VPS13B: variants seen among roughly 807,000 people sequenced by gnomAD.
The protein encoded by VPS13B is intermembrane lipid transfer protein VPS13B.
A neutral mutation model predicts 426.4 loss-of-function variants in VPS13B; 285 were observed. The ratio of observed to expected loss-of-function variants is 0.67; its 90% CI spans 0.61 to 0.74. The LOEUF (loss-of-function observed/expected upper bound fraction) is 0.74, where lower values mean the gene tolerates loss of function less well. Ranked by LOEUF, VPS13B falls within the 30% of genes least tolerant of loss-of-function variation. The pLI, the probability that VPS13B is intolerant of heterozygous loss-of-function variation, is 0.00. For synonymous variants in VPS13B, 1,676 were observed against 1,676.4 expected (o/e 1.00, Z 0.01); for missense variants, 4,537 against 4,782.6 (o/e 0.95, Z 1.51).
At chr8:99,187,987 C>T (rs771866451) in intron 16 of VPS13B, among the ~76,000 whole-genome samples, 6 of 150,492 alleles carry the variant, frequency 4.0e-5, no homozygotes, top group Non-Finnish European at 5.9e-5. Flanking sequence ...GAGAGAGTGA[C>T]GGAGACAGAG....
chr8:99,537,807 C>G (rs1459078362), intron 30 of VPS13B, among the ~76,000 whole-genome samples: 1 of 152,142 alleles, frequency 6.6e-6, no homozygotes, highest in East Asian at 1.9e-4. Context: ...TGTTTTGCTA[C>G]TATTTGTGAC....
At chr8:99,762,451 A>G (rs1295275656) in intron 39 of VPS13B, among the ~76,000 whole-genome samples, 1 of 152,234 alleles carries the variant, frequency 6.6e-6, no homozygotes, top group Non-Finnish European at 1.5e-5. Context: ...AGAGTAGTTA[A>G]GCAATGATAT....
chr8:99,540,470 T>C (rs1030441446), intron 30 of VPS13B, among the ~76,000 whole-genome samples: 1 of 152,188 alleles, frequency 6.6e-6, no homozygotes, highest in African/African-American at 2.4e-5. Flanking sequence ...GTCATTTTTG[T>C]AGCATCTCTT....
intron 51 of VPS13B, among the ~76,000 whole-genome samples, chr8:99,824,935 C>T (rs1814585458): frequency 6.6e-6 from 1 of 152,162 alleles, no homozygotes; most frequent in Non-Finnish European, 1.5e-5. Context: ...GCATAGTGTT[C>T]TATGCTGTAT....
chr8:99,163,773 C>T (rs1049510758), intron 15 of VPS13B, among the ~76,000 whole-genome samples: 3 of 139,882 alleles, frequency 2.1e-5, no homozygotes, highest in African/African-American at 5.4e-5. Context: ...TTCCCGCTCG[C>T]GCCTCTCCCT....
chr8:99,333,701 C>T (rs1170489743), intron 19 of VPS13B, among the ~76,000 whole-genome samples: 1 of 151,880 alleles, frequency 6.6e-6, no homozygotes, highest in African/African-American at 2.4e-5. Context: ...CAAGTCTTAA[C>T]CACTGGCATC....
chr8:99,371,294 T>C (rs2133261507), intron 19 of VPS13B, among the ~76,000 whole-genome samples: 1 of 152,332 alleles, frequency 6.6e-6, no homozygotes, highest in Middle Eastern at 3.4e-3. Flanking sequence ...GGAAATGGAA[T>C]TAGTAAAAAG....
intron 35 of VPS13B, among the ~76,000 whole-genome samples, chr8:99,683,955 T>C (rs1256223572): frequency 6.6e-6 from 1 of 152,248 alleles, no homozygotes; most frequent in African/African-American, 2.4e-5. Context: ...TTCATAATTA[T>C]GATGTTAGCT....
intron 19 of VPS13B, among the ~76,000 whole-genome samples, chr8:99,344,724 T>G (rs1328965323): frequency 6.6e-6 from 1 of 152,104 alleles, no homozygotes; most frequent in African/African-American, 2.4e-5. Flanking sequence ...TCTTTTTTTT[T>G]CCAGTTAGTT....
At chr8:99,549,104 T>C (rs1315687793) in intron 30 of VPS13B, among the ~76,000 whole-genome samples, 1 of 152,144 alleles carries the variant, frequency 6.6e-6, no homozygotes, top group Non-Finnish European at 1.5e-5. Context: ...TTGAAGAAAC[T>C]GTGTTTTAAA....
chr8:99,842,609 G>A (rs139123971), intron 54 of VPS13B, among the ~76,000 whole-genome samples: 115 of 151,900 alleles, frequency 7.6e-4, no homozygotes, highest in African/African-American at 2.5e-3. Context: ...AGCAAAACCC[G>A]TCTCTATTTT....
chr8:99,852,576 T>C (rs907632717), intron 55 of VPS13B, among the ~76,000 whole-genome samples: 2 of 152,196 alleles, frequency 1.3e-5, no homozygotes, highest in African/African-American at 2.4e-5. Context: ...GTTGTTAGTA[T>C]GTCGAATAAG....
intron 33 of VPS13B, among the ~76,000 whole-genome samples, chr8:99,624,818 T>G (rs1168220077): frequency 6.6e-6 from 1 of 151,766 alleles, no homozygotes; most frequent in Non-Finnish European, 1.5e-5. Flanking sequence ...CTTTTTTTTT[T>G]TTTTTTCCCC....
At chr8:99,597,469 C>T (rs1250172048) in intron 33 of VPS13B, among the ~76,000 whole-genome samples, 1 of 151,986 alleles carries the variant, frequency 6.6e-6, no homozygotes, top group African/African-American at 2.4e-5. Context: ...AATAAGCAAA[C>T]TTGAGAGACA....
chr8:99,661,611 C>T, intron 35 of VPS13B, 120 bp downstream of exon 35: 5 of 1,274,180 alleles, frequency 3.9e-6, no homozygotes, highest in Non-Finnish European at 5.5e-6. Flanking sequence ...CATTTTTTCC[C>T]AGAGGTGTAT....
intron 19 of VPS13B, among the ~76,000 whole-genome samples, chr8:99,356,924 TTATC>T (rs1342621526): frequency 6.6e-6 from 1 of 152,218 alleles, no homozygotes; most frequent in African/African-American, 2.4e-5. Flanking sequence ...TATTTATCCT[TTATC>T]TATTTTGAAA....
chr8:99,647,418 G>A (rs1461849086), intron 34 of VPS13B, among the ~76,000 whole-genome samples: 1 of 151,754 alleles, frequency 6.6e-6, no homozygotes, highest in Non-Finnish European at 1.5e-5. Flanking sequence ...AAAATTAGCT[G>A]GGCATGATGG....
At chr8:99,819,326 A>T in intron 47 of VPS13B, 86 bp from the exon 48 acceptor site, 1 of 1,474,560 alleles carries the variant, frequency 6.8e-7, no homozygotes, top group South Asian at 1.2e-5. Context: ...GGTCTATAAT[A>T]CATTTGTAGT....
chr8:99,739,864 G>T (rs893473028), intron 39 of VPS13B, among the ~76,000 whole-genome samples: 6 of 152,176 alleles, frequency 3.9e-5, no homozygotes, highest in African/African-American at 7.2e-5. Context: ...AAACCACAAA[G>T]ATGTGGAAAA....
Sources: allele counts gnomAD v4.1 joint callset (sites outside exome capture counted in the v4.1 genomes callset), GRCh38; gene constraint gnomAD v4.1.1; transcripts MANE v1.5; gene names NCBI Gene and HGNC (gene_info 2026-07-23, HGNC 2026-07-21).